Variants in XIRP2 observed in about 807,000 individuals in gnomAD.
XIRP2 encodes xin actin-binding repeat-containing protein 2.
A neutral mutation model predicts 277.0 loss-of-function variants in XIRP2; 236 were observed. That is an observed-to-expected ratio of 0.85 (90% confidence interval 0.77 to 0.95). The LOEUF is 0.95. Ranked by LOEUF, XIRP2 falls within the 40% of genes least tolerant of loss-of-function variation. XIRP2 has a pLI of 0.00. For synonymous variants in XIRP2, 1,490 were observed against 1,416.5 expected (o/e 1.05, Z -1.17); for missense variants, 4,640 against 4,157.5 (o/e 1.12, Z -3.19).
intron 2 of XIRP2, among the ~76,000 whole-genome samples, chr2:167,026,721 T>C (rs1688172300): frequency 1.3e-5 from 2 of 152,168 alleles, no homozygotes. Flanking sequence ...TGAAGCTTAG[T>C]TTGGGTGGAT....
At chr2:166,994,719 A>G (rs1306745231) in intron 2 of XIRP2, among the ~76,000 whole-genome samples, 2 of 151,726 alleles carry the variant, frequency 1.3e-5, no homozygotes, top group African/African-American at 2.4e-5. Flanking sequence ...AAATTTGAGT[A>G]AGATCTAAAG....
intron 1 of XIRP2, among the ~76,000 whole-genome samples, chr2:166,901,490 A>G (rs969143231): frequency 1.3e-5 from 2 of 152,066 alleles, no homozygotes; most frequent in African/African-American, 2.4e-5. Flanking sequence ...TTCCTTTTCT[A>G]CAGGAGAAAA....
At chr2:167,093,637 G>T (rs1182818336) in intron 2 of XIRP2, among the ~76,000 whole-genome samples, 9 of 152,118 alleles carry the variant, frequency 5.9e-5, no homozygotes, top group Admixed American at 5.9e-4. Flanking sequence ...TCCCTGCAAA[G>T]AAATGAACTC....
At chr2:166,935,335 G>A (rs1313219796) in intron 2 of XIRP2, among the ~76,000 whole-genome samples, 1 of 152,202 alleles carries the variant, frequency 6.6e-6, no homozygotes, top group Non-Finnish European at 1.5e-5. Flanking sequence ...TAATAGGCCA[G>A]TAGATAAATT....
intron 2 of XIRP2, among the ~76,000 whole-genome samples, chr2:166,984,055 T>C (rs1367275829): frequency 6.6e-6 from 1 of 152,176 alleles, no homozygotes; most frequent in Non-Finnish European, 1.5e-5. Flanking sequence ...TTCTCCACTT[T>C]GCTGCATAGC....
chr2:167,080,071 G>A (rs1405078923), intron 2 of XIRP2, among the ~76,000 whole-genome samples: 1 of 152,014 alleles, frequency 6.6e-6, no homozygotes, highest in Non-Finnish European at 1.5e-5. Context: ...AAAAAAAAGA[G>A]GCCAGTTAGG....
At chr2:166,910,305 AT>A (rs1480137360) in intron 2 of XIRP2, among the ~76,000 whole-genome samples, 2 of 152,158 alleles carry the variant, frequency 1.3e-5, no homozygotes, top group African/African-American at 4.8e-5. Flanking sequence ...TTATTAGTCT[AT>A]TCAGGGATTC....
intron 8 of XIRP2, 115 bp downstream of exon 8, chr2:167,242,025 C>G (rs1425643224): frequency 7.5e-7 from 1 of 1,336,406 alleles, no homozygotes; most frequent in Non-Finnish European, 9.9e-7. Flanking sequence ...AAATTCTGAA[C>G]TGGCATTTAT....
intron 2 of XIRP2, among the ~76,000 whole-genome samples, chr2:167,134,810 C>G (rs1691495088): frequency 6.6e-6 from 1 of 152,142 alleles, no homozygotes; most frequent in Non-Finnish European, 1.5e-5. Flanking sequence ...GATTTGACCA[C>G]AAGCACTGCA....
intron 2 of XIRP2, among the ~76,000 whole-genome samples, chr2:167,029,805 G>T (rs981162620): frequency 1.3e-5 from 2 of 152,022 alleles, no homozygotes; most frequent in Non-Finnish European, 2.9e-5. Context: ...TGTACCTCTG[G>T]TAGAATTCGG....
intron 2 of XIRP2, among the ~76,000 whole-genome samples, chr2:166,912,592 C>G (rs993243903): frequency 6.6e-6 from 1 of 152,170 alleles, no homozygotes. Context: ...TCGTCTGAAG[C>G]CTTCTTCTCT....
intron 2 of XIRP2, among the ~76,000 whole-genome samples, chr2:167,095,578 G>T (rs1690285928): frequency 6.6e-6 from 1 of 152,026 alleles, no homozygotes; most frequent in South Asian, 2.1e-4. Flanking sequence ...TAATCATGTG[G>T]TTTTCGTCTT....
chr2:167,014,043 A>G (rs1389160675), intron 2 of XIRP2, among the ~76,000 whole-genome samples: 1 of 151,526 alleles, frequency 6.6e-6, no homozygotes, highest in African/African-American at 2.4e-5. Flanking sequence ...CTCATGATTA[A>G]TCTAGCAGTA....
At chr2:166,944,546 A>G (rs370293018) in intron 2 of XIRP2, among the ~76,000 whole-genome samples, 2 of 152,346 alleles carry the variant, frequency 1.3e-5, no homozygotes, top group Non-Finnish European at 1.5e-5. Context: ...AGCAGATGAG[A>G]GCCCAAGAGG....
chr2:167,245,099 T>C lies in XIRP2; in HGVS notation c.3707T>C (p.Val1236Ala). 6.2e-7 allele frequency: 1 copy of C among 1,610,470 alleles called. No homozygotes were observed. Among genetic ancestry groups the C allele is most frequent in the South Asian group, 1.1e-5 (1 of 90,116 alleles). The change falls in exon 9 of 11, where the codon GTT (valine) becomes GCT (alanine). Residue 1236 changes from valine to alanine, a missense_variant. Coordinates refer to ENST00000409195, the MANE Select transcript of XIRP2 (RefSeq NM_152381.6). Reference sequence around the variant, plus strand: ...ACTGAAGATATTCAGAAAGGCAATGTTTTAAATTGTAGGTGGCTTTTTGAA... The same window carrying C: ...ACTGAAGATATTCAGAAAGGCAATGCTTTAAATTGTAGGTGGCTTTTTGAA... ...LKTEDIQKGN[V>A]LNCRWLFENQ... is the part of the protein sequence containing the mutation.
intron 2 of XIRP2, among the ~76,000 whole-genome samples, chr2:166,938,107 C>A (rs569470062): frequency 6.6e-6 from 1 of 151,912 alleles, no homozygotes; most frequent in Non-Finnish European, 1.5e-5. Context: ...AGTTCTGCTC[C>A]GATCTTAGTT....
At position 166,962,907 on chromosome 2, in the gene XIRP2, A is replaced by G. The variant is rs79848228; in HGVS notation, c.408+59017A>G. On this transcript the variant is annotated intron_variant, in intron 2 of 10. Coordinates refer to ENST00000409195, the MANE Select transcript of XIRP2 (RefSeq NM_152381.6). ...ATTTTAGTGCCCTAATAAAATGCCA[A>G]CCATTGTAAGACAGAAGGAATAAGT... 4.6e-4 allele frequency among the ~76,000 whole-genome samples: 70 copies of G among 151,838 alleles called. 1 individual carries two copies. In the East Asian group the frequency reaches 7.2e-3, roughly 16 times the overall value.
chr2:166,894,387 T>C (rs75440585), intron 1 of XIRP2, among the ~76,000 whole-genome samples: 2,094 of 152,232 alleles, frequency 0.014, 46 homozygotes, highest in African/African-American at 0.045. Flanking sequence ...GTCAGCTCCA[T>C]GTATTTACTA....
intron 1 of XIRP2, among the ~76,000 whole-genome samples, 181 bp downstream of exon 1, chr2:166,888,738 C>T (rs553438780): frequency 2.3e-4 from 35 of 152,318 alleles, no homozygotes; most frequent in Admixed American, 2.3e-3. Flanking sequence ...CGCTTAGTGA[C>T]AGACACTGCT....
Sources: allele counts gnomAD v4.1 joint callset (sites outside exome capture counted in the v4.1 genomes callset), GRCh38; gene constraint gnomAD v4.1.1; transcripts MANE v1.5; gene names NCBI Gene and HGNC (gene_info 2026-07-23, HGNC 2026-07-21).